Variants in PSMC3IP observed in about 807,000 individuals in gnomAD.
PSMC3IP encodes homologous-pairing protein 2 homolog.
Under a neutral mutation model 34.9 loss-of-function variants are expected in PSMC3IP, and 26 were observed. The ratio of observed to expected loss-of-function variants is 0.74; its 90% CI spans 0.55 to 1.03. PSMC3IP has a LOEUF of 1.03. Ranked by LOEUF, PSMC3IP falls within the 50% of genes least tolerant of loss-of-function variation. The probability of loss-of-function intolerance (pLI) is 0.00; values close to 1 mark genes in which losing one functional copy is unlikely to be tolerated. For synonymous variants in PSMC3IP, 87 were observed against 96.5 expected (o/e 0.90, Z 0.57); for missense variants, 250 against 263.1 (o/e 0.95, Z 0.34).
Position 42,572,605 on chromosome 17 carries a change from C to A in PSMC3IP, c.*363G>T, listed in dbSNP as rs1380170622. The A allele has an allele frequency of 6.6e-6, 3 of 452,202 alleles. No homozygotes were observed. The East Asian group carries it at 2.1e-4, about 31-fold the overall frequency. The allele number at this position is 452,202 out of a possible 1,614,324, so 28.0% of individuals were successfully genotyped here. Reference sequence around the variant, plus strand: ...TCTCTACCCTAGTTCTCCAAATTCACTTCTGCCTTCCTCAGGTTTGATATC... The same window carrying A: ...TCTCTACCCTAGTTCTCCAAATTCAATTCTGCCTTCCTCAGGTTTGATATC... On this transcript the variant is annotated 3_prime_UTR_variant, in exon 8 of 8. Coordinates refer to ENST00000393795, the MANE Select transcript of PSMC3IP (RefSeq NM_016556.4).
upstream of PSMC3IP, chr17:42,577,733 C>A: frequency 6.2e-7 from 1 of 1,611,328 alleles, no homozygotes. Flanking sequence ...TGTAGTTGCT[C>A]GGGGCGACGG....
At chr17:42,573,736 G>A in intron 4 of PSMC3IP, 113 bp from the exon 5 acceptor site, 1 of 1,531,650 alleles carries the variant, frequency 6.5e-7, no homozygotes, top group Non-Finnish European at 8.9e-7. Context: ...CATCTCACAT[G>A]GAAACTAAGC....
chr17:42,575,456 G>A (rs1567914495), intron 3 of PSMC3IP, among the ~76,000 whole-genome samples: 1 of 152,296 alleles, frequency 6.6e-6, no homozygotes, highest in East Asian at 1.9e-4. Flanking sequence ...TAAAAATACT[G>A]TCTGGCCATT....
In PSMC3IP at chr17:42,573,037, G is replaced by A. The variant is rs1000841194; in HGVS notation, c.598-13C>T. ...TCCCAACTTCCTCCTGTGAGACAGGGAGACAAGTGAATGAGATGTCACCAG... is the reference window on the plus strand; with the variant it reads ...TCCCAACTTCCTCCTGTGAGACAGGAAGACAAGTGAATGAGATGTCACCAG... On this transcript the variant is annotated splice_polypyrimidine_tract_variant and intron_variant, in intron 7 of 7. Transcript: ENST00000393795. 8 of 1,614,116 alleles carry A rather than the reference G, an allele frequency of 5.0e-6. No individual in the cohort carries two copies. In the African/African-American group the frequency reaches 5.3e-5, roughly 11 times the overall value.
In PSMC3IP at chr17:42,577,725, T is replaced by C. The variant is rs1489290763; in HGVS notation, c.-39A>G. The C allele has an allele frequency of 4.3e-6, 7 of 1,612,904 alleles. No individual in the cohort carries two copies. The South Asian group carries it at 5.5e-5, about 13-fold the overall frequency. ...ACCCAACTCAGAAAGCCGGACGTTG[T>C]AGTTGCTCGGGGCGACGGCTCCTTC... On this transcript the variant is annotated 5_prime_UTR_variant, in exon 1 of 8. Coordinates refer to ENST00000393795, the MANE Select transcript of PSMC3IP (RefSeq NM_016556.4).
chr17:42,573,213 ACTGC>A, intron 6 of PSMC3IP, 47 bp from the exon 7 acceptor site: 1 of 1,614,126 alleles, frequency 6.2e-7, no homozygotes, highest in Non-Finnish European at 8.5e-7. Context: ...AGCACTGGGC[ACTGC>A]CTGTCAGTTT....
At chr17:42,576,639 A>G (rs1042185359) in intron 3 of PSMC3IP, 3 of 182,804 alleles carry the variant, frequency 1.6e-5, no homozygotes, top group East Asian at 1.5e-4. Context: ...CTCTATAAAA[A>G]TTAAAAAAAT....
At chr17:42,573,428 C>G in intron 5 of PSMC3IP, 50 bp downstream of exon 5, 2 of 1,614,246 alleles carry the variant, frequency 1.2e-6, no homozygotes, top group Middle Eastern at 3.3e-4. Flanking sequence ...GGGCTCAGCC[C>G]TGATGTTCAC....
chr17:42,572,915 C>T lies in PSMC3IP; in HGVS notation c.*53G>A. ...CAAAAACAAGGTAGCCAGTGCAAGA[C>T]ATCTCACTCTTCTGACATCCTGCAG... On this transcript the variant is annotated 3_prime_UTR_variant, in exon 8 of 8. Coordinates refer to ENST00000393795, the MANE Select transcript of PSMC3IP (RefSeq NM_016556.4). 6.3e-7 allele frequency: 1 copy of T among 1,592,642 alleles called. No homozygotes were observed. The highest frequency in any genetic ancestry group is 8.6e-7 in the Non-Finnish European group (1 of 1,161,628).
intron 3 of PSMC3IP, among the ~76,000 whole-genome samples, chr17:42,576,508 T>C (rs1186208274): frequency 6.6e-6 from 1 of 151,974 alleles, no homozygotes; most frequent in African/African-American, 2.4e-5. Context: ...GATTCAAGAA[T>C]GGAAAAATTA....
In PSMC3IP at chr17:42,574,208, G is replaced by A. The variant is rs113458105; in HGVS notation, c.228C>T (p.Asp76=). Residue 76 remains aspartate (D), a splice_region_variant and synonymous_variant, in exon 4 of 8, where the codon GAC becomes GAT. Transcript: ENST00000393795. ...GKQKIYFADQ[D]QFDMVSDADL... The stretch of plus-strand genomic sequence containing the variant: ...CAGCATCACTCACCATGTCAAACTG[G>A]TCCTGCCAGACAAAGAGGGAAAATA... 1.2e-6 allele frequency: 2 copies of A among 1,613,882 alleles called. No individual in the cohort carries two copies. Among genetic ancestry groups the A allele is most frequent in the African/African-American group, 1.3e-5 (1 of 75,016 alleles).
Position 42,573,343 on chromosome 17 carries a change from ACTT to A in PSMC3IP, c.502_504del (p.Lys168del), listed in dbSNP as rs761734862. On this transcript the variant is annotated inframe_deletion, in exon 6 of 8. Coordinates refer to ENST00000393795, the MANE Select transcript of PSMC3IP (RefSeq NM_016556.4). ...TTCCTCTTCCTCCACTCCTTACAGT[ACTT>A]CTGCCTCTCTCTGTACACCTAGAAG... The A allele has an allele frequency of 9.3e-6, 15 of 1,613,978 alleles. No individual in the cohort carries two copies. Among genetic ancestry groups the A allele is most frequent in the Non-Finnish European group, 1.3e-5 (15 of 1,180,024 alleles).
At chr17:42,577,105 A>G (rs1194666199) in intron 3 of PSMC3IP, 108 bp downstream of exon 3, 23 of 1,572,522 alleles carry the variant, frequency 1.5e-5, no homozygotes, top group Non-Finnish European at 2.0e-5. Context: ...GTGGCCTAAG[A>G]CAGGTGAGTT....
chr17:42,573,516 C>G lies in PSMC3IP; in HGVS notation c.445G>C (p.Ala149Pro). ...TCTGGAGTCACATGATTGGTAGCTGCTTTAATGTTCTTCAATCTCTCTCTG... is the reference window on the plus strand; with the variant it reads ...TCTGGAGTCACATGATTGGTAGCTGGTTTAATGTTCTTCAATCTCTCTCTG... Reference protein sequence around the residue: ...GYRERLKNIKAATNHVTPEEK... With the variant: ...GYRERLKNIKPATNHVTPEEK... Residue 149 changes from alanine (A) to proline (P), a missense_variant, in exon 5 of 8, where the codon GCA (alanine) becomes CCA (proline). Ala to Pro is a conservative substitution (Grantham distance 27, BLOSUM62 -1). Transcript: ENST00000393795. The G allele has an allele frequency of 6.2e-7, 1 of 1,614,234 alleles. No individual in the cohort carries two copies. Among genetic ancestry groups the G allele is most frequent in the Non-Finnish European group, 8.5e-7 (1 of 1,180,046 alleles).
At chr17:42,573,074 A>G in intron 7 of PSMC3IP, 33 bp downstream of exon 7, 1 of 1,614,180 alleles carries the variant, frequency 6.2e-7, no homozygotes, top group Admixed American at 1.7e-5. Context: ...ATAAGACCAC[A>G]GGGAAGCAAA....
chr17:42,575,406 C>T (rs564526002), intron 3 of PSMC3IP, among the ~76,000 whole-genome samples: 4 of 152,308 alleles, frequency 2.6e-5, no homozygotes, highest in Non-Finnish European at 4.4e-5. Flanking sequence ...GGCAGTTGTA[C>T]AGCCAGCCAT....
intron 4 of PSMC3IP, 57 bp from the exon 5 acceptor site, chr17:42,573,680 T>C (rs910986336): frequency 5.1e-5 from 82 of 1,596,564 alleles, no homozygotes; most frequent in African/African-American, 6.7e-5. Context: ...GTTCTGTCTT[T>C]CCCAGTGGGT....
Position 42,573,044 on chromosome 17 carries a change from G to A in PSMC3IP, c.598-20C>T. The A allele has an allele frequency of 6.2e-7, 1 of 1,614,244 alleles. No homozygotes were observed. On this transcript the variant is annotated intron_variant, in intron 7 of 7. Transcript: ENST00000393795. ...TTCCTCCTGTGAGACAGGGAGACAA[G>A]TGAATGAGATGTCACCAGGATAAGA...
intron 3 of PSMC3IP, among the ~76,000 whole-genome samples, chr17:42,575,693 G>T (rs1215354107): frequency 6.6e-6 from 1 of 152,062 alleles, no homozygotes; most frequent in Non-Finnish European, 1.5e-5. Flanking sequence ...AGTAAAAATT[G>T]TAATACAGCA....
Sources: allele counts gnomAD v4.1 joint callset (sites outside exome capture counted in the v4.1 genomes callset), GRCh38; gene constraint gnomAD v4.1.1; transcripts MANE v1.5; gene names NCBI Gene and HGNC (gene_info 2026-07-23, HGNC 2026-07-21).